ERCC6: variants seen among roughly 807,000 people sequenced by gnomAD.
The protein encoded by ERCC6 is ERCC excision repair 6, chromatin remodeling factor.
ERCC6 carries 116 observed loss-of-function variants against 158.7 expected under a neutral mutation model. That is an observed-to-expected ratio of 0.73 (90% CI 0.63 to 0.85). The LOEUF (loss-of-function observed/expected upper bound fraction) is 0.85, where lower values mean the gene tolerates loss of function less well. Among genes scored for constraint, ERCC6 ranks in the 40% least tolerant of loss-of-function variants. ERCC6 has a pLI of 0.00. For missense variants in ERCC6, 1,698 were observed against 1,799.4 expected (o/e 0.94, Z 1.02); for synonymous variants, 678 against 659.3 (o/e 1.03, Z -0.43).
chr10:49,482,029 T>A (rs956326831), intron 10 of ERCC6, among the ~76,000 whole-genome samples: 1 of 152,146 alleles, frequency 6.6e-6, no homozygotes, highest in African/African-American at 2.4e-5. Flanking sequence ...GTGCCACTGC[T>A]TCCCTTTCAA....
Position 49,466,542 on chromosome 10 carries a change from T to A in ERCC6, c.3778+3640A>T, listed in dbSNP as rs539093662. ...CAGTATTTGGTAAGTTGTGACATTA[T>A]GTACATACCATGAAACTATCACTAC... is the stretch of plus-strand genomic sequence containing the variant. On this transcript the variant is annotated intron_variant, in intron 18 of 20. Coordinates refer to ENST00000355832, the MANE Select transcript of ERCC6 (RefSeq NM_000124.4). Among the ~76,000 whole-genome samples, 49 of 152,212 alleles carry A rather than the reference T, an allele frequency of 3.2e-4. 2 individuals are homozygous for A. Among genetic ancestry groups the A allele is most frequent in the Admixed American group, 4.6e-4 (7 of 15,282 alleles).
chr10:49,529,629 CTGGTGAG>C (rs1414715694), intron 3 of ERCC6, among the ~76,000 whole-genome samples: 1 of 152,110 alleles, frequency 6.6e-6, no homozygotes, highest in African/African-American at 2.4e-5. Flanking sequence ...AGGTAACAGA[CTGGTGAG>C]TGGAAAGTAT....
At chr10:49,537,508 T>TAC (rs36057162) in intron 1 of ERCC6, among the ~76,000 whole-genome samples, 24,756 of 145,522 alleles carry the variant, frequency 0.17, 2,278 homozygotes, top group Non-Finnish European at 0.22. Flanking sequence ...TATATACACA[T>TAC]ACACACACAC....
the ERCC6 span, among the ~76,000 whole-genome samples, chr10:49,437,017 T>C: frequency 6.6e-6 from 1 of 152,170 alleles, no homozygotes; most frequent in Non-Finnish European, 1.5e-5. Context: ...CCACCTGTTG[T>C]GGGAAGCACC....
rs1326997909 is a variant in ERCC6, at chr10:49,532,527, G to A, written c.422+16C>T. ...TTTACCACCACTTTGAAAGGAAGAA[G>A]ATGGGCTGCACTCACGTGAGGTCAT... On this transcript the variant is annotated intron_variant, in intron 2 of 20. Transcript: ENST00000355832. The A allele has an allele frequency of 1.2e-6, 2 of 1,612,912 alleles. No homozygotes were observed. Among genetic ancestry groups the A allele is most frequent in the Admixed American group, 3.3e-5 (2 of 60,028 alleles).
rs554759090 is a variant in ERCC6, at chr10:49,479,314, A to G, written c.2170-844T>C. ...ATGAATGATAATAAAAAAGAGCTTG[A>G]CCACACACACAGAAAAAAAAGTTAA... On this transcript the variant is annotated intron_variant, in intron 10 of 20. Coordinates refer to ENST00000355832, the MANE Select transcript of ERCC6 (RefSeq NM_000124.4). Among the ~76,000 whole-genome samples the G allele has an allele frequency of 6.6e-5, 10 of 152,324 alleles. 1 individual carries two copies. The highest frequency in any genetic ancestry group is 6.5e-4 in the Admixed American group (10 of 15,310).
intron 7 of ERCC6, among the ~76,000 whole-genome samples, chr10:49,495,475 C>A (rs1410802650): frequency 6.6e-6 from 1 of 152,146 alleles, no homozygotes; most frequent in African/African-American, 2.4e-5. Context: ...CCCCTTCTAT[C>A]TCACTAATTC....
chr10:49,458,732 A>G lies in ERCC6; in HGVS notation c.*83T>C, dbSNP rs920330611. On this transcript the variant is annotated 3_prime_UTR_variant, in exon 21 of 21. Coordinates refer to ENST00000355832, the MANE Select transcript of ERCC6 (RefSeq NM_000124.4). ...CATCAAGTGCAGCCAACTTCCATTGACAAACATGATTATTAATAATAAATT... is the reference window on the plus strand; with the variant it reads ...CATCAAGTGCAGCCAACTTCCATTGGCAAACATGATTATTAATAATAAATT... 4 of 1,418,424 alleles carry G rather than the reference A, an allele frequency of 2.8e-6. No homozygotes were observed. Among genetic ancestry groups the G allele is most frequent in the Non-Finnish European group, 4.0e-6 (4 of 1,011,632 alleles). The allele number at this position is 1,418,424 out of a possible 1,614,324, so 87.9% of individuals were successfully genotyped here.
At chr10:49,474,323 A>T in intron 12 of ERCC6, 81 bp from the exon 13 acceptor site, 1 of 1,088,850 alleles carries the variant, frequency 9.2e-7, no homozygotes, top group South Asian at 1.3e-5. Context: ...TGTTTAACCT[A>T]TAACACAGAC....
At chr10:49,511,999 C>T (rs1836829904) in intron 5 of ERCC6, among the ~76,000 whole-genome samples, 1 of 152,180 alleles carries the variant, frequency 6.6e-6, no homozygotes, top group South Asian at 2.1e-4. Context: ...GTACATTATA[C>T]TTTTGAAACT....
intron 5 of ERCC6, among the ~76,000 whole-genome samples, chr10:49,523,702 A>T (rs1049818692): frequency 6.6e-6 from 1 of 152,040 alleles, no homozygotes; most frequent in African/African-American, 2.4e-5. Context: ...TTTTCCTGAT[A>T]CTCATTCTAG....
At position 49,455,461 on chromosome 10, in the gene ERCC6, AG is replaced by A. The variant is rs1171623404; in HGVS notation, c.*3353del. On this transcript the variant is annotated 3_prime_UTR_variant, in exon 21 of 21. Coordinates refer to ENST00000355832, the MANE Select transcript of ERCC6 (RefSeq NM_000124.4). ...CAAGTATAAGACACTGAAGAGGGGG[AG>A]AAAGGAAAAGGAACTTGCCCATGAA... 6.6e-6 allele frequency: 1 copy of A among 152,202 alleles called. No homozygotes were observed. Among genetic ancestry groups the A allele is most frequent in the Non-Finnish European group, 1.5e-5 (1 of 68,042 alleles). The allele number at this position is 152,202 out of a possible 1,614,324, so 9.4% of individuals were successfully genotyped here.
chr10:49,514,807 AT>A (rs1836899074), intron 5 of ERCC6, among the ~76,000 whole-genome samples: 1 of 152,212 alleles, frequency 6.6e-6, no homozygotes, highest in African/African-American at 2.4e-5. Context: ...TAGGTTTTCT[AT>A]TTCAGACAGC....
chr10:49,505,130 T>C (rs1173523733), intron 6 of ERCC6: 1 of 152,154 alleles, frequency 6.6e-6, no homozygotes, highest in Non-Finnish European at 1.5e-5. Flanking sequence ...ACTTCCTATA[T>C]GCATCTAAGA....
chr10:49,504,444 GTGAAATATCTTTGCTAGAAAAT>G (rs1350768859), intron 6 of ERCC6: 1 of 152,112 alleles, frequency 6.6e-6, no homozygotes, highest in Non-Finnish European at 1.5e-5. Flanking sequence ...ACTATTAATT[GTGAAATATCTTTGCTAGAAAAT>G]CTGACATTTA....
Position 49,493,236 on chromosome 10 carries a change from G to A in ERCC6, c.1702C>T (p.Pro568Ser), listed in dbSNP as rs780742421. The change falls in exon 8 of 21, where the codon CCA (proline) becomes TCA (serine). Residue 568 changes from proline (P) to serine (S), a missense_variant. Pro to Ser is a moderately conservative substitution (Grantham distance 74). Coordinates refer to ENST00000355832, the MANE Select transcript of ERCC6 (RefSeq NM_000124.4). ...GTTGTTGGACAGACAATTACAGTTG[G>A]ACCCAACCCCTCAAACCTGCATCCA... Reference protein sequence around the residue: ...GSNYRFEGLGPTVIVCPTTVM... With the variant: ...GSNYRFEGLGSTVIVCPTTVM... The A allele has an allele frequency of 6.2e-7, 1 of 1,613,882 alleles. No individual in the cohort carries two copies. Among genetic ancestry groups the A allele is most frequent in the African/African-American group, 1.3e-5 (1 of 74,872 alleles).
the ERCC6 span, among the ~76,000 whole-genome samples, chr10:49,435,943 A>G: frequency 8.6e-5 from 13 of 151,664 alleles, no homozygotes; most frequent in African/African-American, 3.1e-4. Flanking sequence ...AGGAGGTTGC[A>G]GTGAGCCGAG....
intron 5 of ERCC6, among the ~76,000 whole-genome samples, chr10:49,512,675 A>G (rs917471287): frequency 6.6e-6 from 1 of 152,248 alleles, no homozygotes; most frequent in Non-Finnish European, 1.5e-5. Flanking sequence ...GAATATTTGC[A>G]TATACACAAT....
chr10:49,515,605 T>C (rs1836925468), intron 5 of ERCC6: 2 of 1,613,952 alleles, frequency 1.2e-6, no homozygotes, highest in Non-Finnish European at 1.7e-6. Context: ...TCATCATATG[T>C]TTTATGCAAT....
Sources: allele counts gnomAD v4.1 joint callset (sites outside exome capture counted in the v4.1 genomes callset), GRCh38; gene constraint gnomAD v4.1.1; transcripts MANE v1.5; gene names NCBI Gene and HGNC (gene_info 2026-07-23, HGNC 2026-07-21).